PUM2: variants seen among roughly 807,000 people sequenced by gnomAD.
The protein encoded by PUM2 is pumilio homolog 2.
In PUM2, 57 loss-of-function variants were observed where a neutral mutation model predicts 124.5. The observed-to-expected ratio is 0.46, with a 90% CI of 0.37 to 0.57. The LOEUF (loss-of-function observed/expected upper bound fraction) is 0.57. Ranked by LOEUF, PUM2 falls within the 20% of genes least tolerant of loss-of-function variation. The pLI is 0.00. For missense variants in PUM2, 1,065 were observed against 1,290.6 expected (o/e 0.83, Z 2.68); for synonymous variants, 460 against 446.1 (o/e 1.03, Z -0.39).
intron 2 of PUM2, among the ~76,000 whole-genome samples, chr2:20,324,374 G>C (rs1476155356): frequency 6.6e-6 from 1 of 152,106 alleles, no homozygotes; most frequent in Non-Finnish European, 1.5e-5. Flanking sequence ...AGACAGGAGA[G>C]AGCACTGCTT....
chr2:20,289,910 T>TG lies in PUM2; in HGVS notation c.1291+741dup, dbSNP rs565381759. 9.9e-4 allele frequency among the ~76,000 whole-genome samples: 151 copies of TG among 152,192 alleles called. 4 individuals carry two copies. The South Asian group carries it at 0.03, about 30-fold the overall frequency. On this transcript the variant is annotated intron_variant, in intron 10 of 20. Transcript: ENST00000361078. ...CGGACAACCACTGATATACCAAAAG[T>TG]GAAAAAAAGCATACTTAAATCTCCA...
chr2:20,271,893 T>TCA (rs746201440), intron 13 of PUM2, among the ~76,000 whole-genome samples: 10 of 152,202 alleles, frequency 6.6e-5, no homozygotes, highest in Non-Finnish European at 1.2e-4. Flanking sequence ...GCATGGTGGC[T>TCA]CACACCTGTA....
intron 1 of PUM2, chr2:20,350,364 C>A: frequency 2.9e-6 from 2 of 687,906 alleles, no homozygotes; most frequent in Non-Finnish European, 3.6e-6. Flanking sequence ...GGGAAGGAAG[C>A]GGGAAAGCGG....
chr2:20,345,551 T>G (rs955229963), intron 1 of PUM2, among the ~76,000 whole-genome samples: 1 of 152,012 alleles, frequency 6.6e-6, no homozygotes, highest in African/African-American at 2.4e-5. Context: ...AAGGACAGTG[T>G]GGCACGATAC....
intron 13 of PUM2, among the ~76,000 whole-genome samples, chr2:20,272,481 C>T (rs1392702855): frequency 6.6e-6 from 1 of 152,150 alleles, no homozygotes; most frequent in Non-Finnish European, 1.5e-5. Context: ...CATTAGGTAT[C>T]TAAATGAGTA....
At chr2:20,290,844 ATT>A in intron 9 of PUM2, 54 bp from the exon 10 acceptor site, 1 of 1,362,664 alleles carries the variant, frequency 7.3e-7, no homozygotes, top group Non-Finnish European at 9.8e-7. Context: ...AGATAAGTAA[ATT>A]TATCTTGGAC....
intron 7 of PUM2, among the ~76,000 whole-genome samples, chr2:20,298,516 G>T (rs1676188741): frequency 6.6e-6 from 1 of 152,146 alleles, no homozygotes; most frequent in African/African-American, 2.4e-5. Flanking sequence ...CACTGTACAG[G>T]TCTTTCAACC....
At position 20,260,440 on chromosome 2, in the gene PUM2, G is replaced by GCT; in HGVS notation, c.2250_2251dup (p.Ala751GlufsTer21). On this transcript the variant is annotated frameshift_variant, in exon 15 of 21. Transcript: ENST00000361078. LOFTEE classifies it high-confidence loss of function. ...TACCATCTGTCGCTCAGCTGGAGTA[G>GCT]CTCTCTCTAGTTTTTGCTGTATGAA... 6.2e-7 allele frequency: 1 copy of GCT among 1,609,334 alleles called. No individual in the cohort carries two copies. Among genetic ancestry groups the GCT allele is most frequent in the Non-Finnish European group, 8.5e-7 (1 of 1,176,196 alleles).
At chr2:20,344,096 C>T (rs113994785) in intron 1 of PUM2, among the ~76,000 whole-genome samples, 4,827 of 152,166 alleles carry the variant, frequency 0.032, 251 homozygotes, top group African/African-American at 0.11. Flanking sequence ...GAGACAGGGC[C>T]TCACTCTGTT....
intron 1 of PUM2, among the ~76,000 whole-genome samples, chr2:20,329,676 AG>A (rs1684484257): frequency 6.6e-6 from 1 of 152,104 alleles, no homozygotes; most frequent in African/African-American, 2.4e-5. Flanking sequence ...CACTGCTACT[AG>A]GTAAAACGGG....
At chr2:20,281,723 T>C (rs1671569294) in intron 12 of PUM2, among the ~76,000 whole-genome samples, 1 of 152,170 alleles carries the variant, frequency 6.6e-6, no homozygotes, top group African/African-American at 2.4e-5. Flanking sequence ...ACAATCCCCA[T>C]GTTCACTGGA....
intron 3 of PUM2, among the ~76,000 whole-genome samples, chr2:20,317,957 T>C (rs1284421538): frequency 6.6e-6 from 1 of 152,194 alleles, no homozygotes; most frequent in Non-Finnish European, 1.5e-5. Context: ...CATTTAGGTT[T>C]TTCCATGGTT....
At chr2:20,323,901 G>A (rs1399707273) in intron 2 of PUM2, among the ~76,000 whole-genome samples, 7 of 82,668 alleles carry the variant, frequency 8.5e-5, no homozygotes, top group African/African-American at 2.0e-4. Context: ...CTAGAGATAC[G>A]GACTAGCAAA....
intron 8 of PUM2, among the ~76,000 whole-genome samples, chr2:20,295,891 A>G (rs982279722): frequency 2.6e-5 from 4 of 152,218 alleles, no homozygotes; most frequent in African/African-American, 9.6e-5. Context: ...TCTGGCTCAC[A>G]TTGTATTTCT....
chr2:20,270,531 G>T (rs1668783559), intron 13 of PUM2, among the ~76,000 whole-genome samples: 1 of 148,880 alleles, frequency 6.7e-6, no homozygotes, highest in South Asian at 2.2e-4. Context: ...CTGAAGAACT[G>T]GGAAGGTAAA....
rs571683842 is a variant in PUM2, at chr2:20,296,530, C to T, written c.1009+1023G>A. 3.3e-5 allele frequency among the ~76,000 whole-genome samples: 5 copies of T among 151,724 alleles called. No homozygotes were observed. In the East Asian group the frequency reaches 7.8e-4, roughly 24 times the overall value. On this transcript the variant is annotated intron_variant, in intron 8 of 20. Coordinates refer to ENST00000361078, the MANE Select transcript of PUM2 (RefSeq NM_015317.5). ...AAAAAGTCAGTCTCCTAGGAAAATA[C>T]TGACTGTCAGAAGTGGGTTTCAAAC...
intron 14 of PUM2, among the ~76,000 whole-genome samples, chr2:20,260,738 A>C (rs1017469060): frequency 1.3e-5 from 2 of 152,172 alleles, no homozygotes; most frequent in African/African-American, 4.8e-5. Flanking sequence ...AAATTACGTA[A>C]ATTTTGCTGC....
At chr2:20,258,453 A>C (rs1665350524) in intron 15 of PUM2, 82 bp from the exon 16 acceptor site, 1 of 1,421,816 alleles carries the variant, frequency 7.0e-7, no homozygotes, top group Admixed American at 1.9e-5. Flanking sequence ...TTTGCAGTCT[A>C]TTCATTCTAT....
chr2:20,322,554 G>C (rs557515619), intron 2 of PUM2, among the ~76,000 whole-genome samples: 3 of 152,090 alleles, frequency 2.0e-5, no homozygotes, highest in African/African-American at 4.8e-5. Flanking sequence ...AGGCTGCAGC[G>C]AGCTATAATT....
Sources: gnomAD v4.1 joint callset for allele counts (sites outside exome capture counted in the v4.1 genomes callset) on GRCh38, gnomAD v4.1.1 for gene constraint, MANE v1.5 for transcripts, NCBI Gene and HGNC (gene_info 2026-07-23, HGNC 2026-07-21) for gene names.